ARHGEF3: variants seen among roughly 807,000 people sequenced by gnomAD.
ARHGEF3 encodes the protein 59.8 kDA protein.
A neutral mutation model predicts 63.2 loss-of-function variants in ARHGEF3; 28 were observed. The observed-to-expected ratio is 0.44, with a 90% CI of 0.33 to 0.61. The LOEUF is 0.61. Among genes scored for constraint, ARHGEF3 ranks in the 20% least tolerant of loss-of-function variants. ARHGEF3 has a pLI of 0.03. For synonymous variants in ARHGEF3, 266 were observed against 254.2 expected (o/e 1.05, Z -0.44); for missense variants, 533 against 659.3 (o/e 0.81, Z 2.10).
chr3:56,763,492 T>C (rs2035537760), intron 2 of ARHGEF3, among the ~76,000 whole-genome samples: 1 of 152,150 alleles, frequency 6.6e-6, no homozygotes, highest in African/African-American at 2.4e-5. Context: ...TAAAATGTTC[T>C]ACAATAGGGA....
rs529439271 is a variant in ARHGEF3 at position 56,777,290 on chromosome 3, A to C, written c.97-3474T>G. On this transcript the variant is annotated intron_variant, in intron 1 of 9. Transcript: ENST00000296315. ...ATTTAGTCAGAGGACAAGGAAAGAAAAAAAGGAAGAGAAGAAAAGAAGCGA... is the reference window on the plus strand; with the variant it reads ...ATTTAGTCAGAGGACAAGGAAAGAACAAAAGGAAGAGAAGAAAAGAAGCGA... Among the ~76,000 whole-genome samples the C allele has an allele frequency of 9.8e-5, 15 of 152,362 alleles. No individual in the cohort carries two copies. The South Asian group carries it at 3.1e-3, about 32-fold the overall frequency.
At chr3:56,896,076 C>T (rs80110863) in intron 3 of ARHGEF3, among the ~76,000 whole-genome samples, 14,133 of 152,180 alleles carry the variant, frequency 0.093, 823 homozygotes, top group Non-Finnish European at 0.13. Flanking sequence ...TATTAGATTC[C>T]CTGAAGAGGA....
At chr3:56,768,806 G>A (rs2035855765) in intron 2 of ARHGEF3, among the ~76,000 whole-genome samples, 1 of 152,176 alleles carries the variant, frequency 6.6e-6, no homozygotes, top group Non-Finnish European at 1.5e-5. Flanking sequence ...GAACATTTGT[G>A]CACCTAACTG....
intron 1 of ARHGEF3, chr3:57,076,790 T>C (rs1188667131): frequency 1.3e-5 from 2 of 152,240 alleles, no homozygotes; most frequent in Non-Finnish European, 2.9e-5. Flanking sequence ...ACAGTTATTG[T>C]GCACCCGCTG....
chr3:56,913,489 G>GA (rs1487025025), intron 3 of ARHGEF3, among the ~76,000 whole-genome samples: 5 of 151,992 alleles, frequency 3.3e-5, no homozygotes, highest in East Asian at 1.9e-4. Context: ...GGCTACTATT[G>GA]AAAAAAAATC....
intron 2 of ARHGEF3, among the ~76,000 whole-genome samples, chr3:56,765,506 G>A (rs1258110492): frequency 1.3e-5 from 2 of 152,156 alleles, no homozygotes; most frequent in Non-Finnish European, 2.9e-5. Context: ...TGGACCAAGG[G>A]ACAAAGTTTG....
At chr3:57,015,621 T>TTA (rs1702964028) in intron 2 of ARHGEF3, among the ~76,000 whole-genome samples, 1 of 140,832 alleles carries the variant, frequency 7.1e-6, no homozygotes, top group Admixed American at 6.9e-5. Flanking sequence ...TTTTTTTTTT[T>TTA]AGTACAAACG....
chr3:56,957,160 A>G (rs1046378054), intron 3 of ARHGEF3, among the ~76,000 whole-genome samples: 2 of 152,254 alleles, frequency 1.3e-5, no homozygotes, highest in East Asian at 3.8e-4. Flanking sequence ...TAGGAAGTGC[A>G]TGACTTGCAT....
At chr3:56,931,575 C>CAAAAAAAAAAAAAAAAAAAAAAA (rs10596928) in intron 3 of ARHGEF3, among the ~76,000 whole-genome samples, 1 of 58,912 alleles carries the variant, frequency 1.7e-5, no homozygotes, top group African/African-American at 7.3e-5. Context: ...GATCCTGTCT[C>CAAAAAAAAAAAAAAAAAAAAAAA]AAAAAAAAAA....
At chr3:56,897,949 T>C (rs2041364056) in intron 3 of ARHGEF3, among the ~76,000 whole-genome samples, 1 of 151,594 alleles carries the variant, frequency 6.6e-6, no homozygotes, top group Non-Finnish European at 1.5e-5. Context: ...GGTGGCATCA[T>C]AGCTCACTGA....
At chr3:56,765,541 G>A (rs1482620641) in intron 2 of ARHGEF3, among the ~76,000 whole-genome samples, 3 of 152,128 alleles carry the variant, frequency 2.0e-5, no homozygotes, top group African/African-American at 7.2e-5. Context: ...GGTAATCATG[G>A]TTGCCAGACA....
At chr3:56,866,475 T>C (rs369617364) in intron 4 of ARHGEF3, among the ~76,000 whole-genome samples, 1 of 152,202 alleles carries the variant, frequency 6.6e-6, no homozygotes, top group Non-Finnish European at 1.5e-5. Flanking sequence ...CATTCCACCT[T>C]GTCCAGCAGG....
rs538257183 is a variant in ARHGEF3 at position 57,020,194 on chromosome 3, G to A, written c.62+14894C>T. 2.0e-5 allele frequency among the ~76,000 whole-genome samples: 3 copies of A among 152,276 alleles called. No homozygotes were observed. The South Asian group carries it at 6.2e-4, about 32-fold the overall frequency. Reference sequence around the variant, plus strand: ...ATTTCAGGTTTTCATGCCTAATTTAGTGGAGCAAATAAAGCCTGAAACTTC... The same window carrying A: ...ATTTCAGGTTTTCATGCCTAATTTAATGGAGCAAATAAAGCCTGAAACTTC... On this transcript the variant is annotated intron_variant, in intron 2 of 12. Transcript: ENST00000338458.
At chr3:57,063,538 AAGAG>A (rs953598323) in intron 1 of ARHGEF3, among the ~76,000 whole-genome samples, 29 of 152,206 alleles carry the variant, frequency 1.9e-4, no homozygotes, top group African/African-American at 6.7e-4. Flanking sequence ...AAGTGAAGAG[AAGAG>A]AGATACAAAA....
At chr3:57,039,007 T>G (rs1447206902) in intron 1 of ARHGEF3, among the ~76,000 whole-genome samples, 1 of 152,208 alleles carries the variant, frequency 6.6e-6, no homozygotes, top group African/African-American at 2.4e-5. Flanking sequence ...CCTTGGTTAG[T>G]CACAAAGTTA....
chr3:57,064,165 A>G (rs1705392428), intron 1 of ARHGEF3, among the ~76,000 whole-genome samples: 1 of 152,086 alleles, frequency 6.6e-6, no homozygotes, highest in Non-Finnish European at 1.5e-5. Flanking sequence ...GCTAACCCGG[A>G]AGCTGAGGTC....
At chr3:56,775,470 G>A (rs1430214484) in intron 1 of ARHGEF3, 3 of 1,000,784 alleles carry the variant, frequency 3.0e-6, no homozygotes, top group Non-Finnish European at 3.6e-6. Context: ...TTTCCAAGAC[G>A]GAGAATGCAA....
intron 4 of ARHGEF3, among the ~76,000 whole-genome samples, chr3:56,857,991 C>T (rs376432366): frequency 6.6e-5 from 10 of 152,122 alleles, no homozygotes; most frequent in South Asian, 4.1e-4. Flanking sequence ...TGCCTGTAAT[C>T]GTAGCACTTT....
At chr3:56,775,583 T>C (rs186604962) in intron 1 of ARHGEF3, 1 of 985,754 alleles carries the variant, frequency 1.0e-6, no homozygotes, top group Non-Finnish European at 1.2e-6. Flanking sequence ...ATGCAGAGGA[T>C]GAATCTCCCA....
Sources: allele counts gnomAD v4.1 joint callset (sites outside exome capture counted in the v4.1 genomes callset), GRCh38; gene constraint gnomAD v4.1.1; transcripts MANE v1.5; gene names NCBI Gene and HGNC (gene_info 2026-07-23, HGNC 2026-07-21).